Variants in ZNF766 observed in about 807,000 individuals in gnomAD.
ZNF766 encodes the protein zinc finger protein 766.
A neutral mutation model predicts 13.2 loss-of-function variants in ZNF766; 13 were observed. That is an observed-to-expected ratio of 0.98 (90% CI 0.64 to 1.56). The LOEUF (loss-of-function observed/expected upper bound fraction) is 1.56. ZNF766 is among the 40% of genes most tolerant of loss of function. ZNF766 has a pLI of 0.00. For missense variants in ZNF766, 521 were observed against 552.2 expected (o/e 0.94, Z 0.57); for synonymous variants, 178 against 187.6 (o/e 0.95, Z 0.42).
In ZNF766 at chr19:52,294,214, A is replaced by C. The variant is rs1413088736; in HGVS notation, c.*3016A>C. On this transcript the variant is annotated 3_prime_UTR_variant, in exon 4 of 4. Coordinates refer to ENST00000439461, the MANE Select transcript of ZNF766 (RefSeq NM_001010851.3). ...TGACCTCGTAGCGCTCAGTGACATAATTTGAAAAAATATTAATGTTCAGAA... is the reference window on the plus strand; with the variant it reads ...TGACCTCGTAGCGCTCAGTGACATACTTTGAAAAAATATTAATGTTCAGAA... 6.6e-6 allele frequency: 1 copy of C among 152,216 alleles called. No homozygotes were observed. The highest frequency in any genetic ancestry group is 1.5e-5 in the Non-Finnish European group (1 of 68,036). 9.4% of individuals were successfully genotyped at this position (152,216 alleles called of 1,614,324 possible).
rs995093833 is a variant in ZNF766 at position 52,292,425 on chromosome 19, CAG to C, written c.*1228_*1229del. Reference sequence around the variant, plus strand: ...TAGAGCACGCCATGACTTTAGGACACAGGGATTTTTATGGGAAGAGAGTTCAT... The same window carrying C: ...TAGAGCACGCCATGACTTTAGGACACGGATTTTTATGGGAAGAGAGTTCAT... On this transcript the variant is annotated 3_prime_UTR_variant, in exon 4 of 4. Transcript: ENST00000439461. 14 of 453,036 alleles carry C rather than the reference CAG, an allele frequency of 3.1e-5. No individual in the cohort carries two copies. The Admixed American group carries it at 3.1e-4, about 10-fold the overall frequency. 28.1% of individuals were successfully genotyped at this position (453,036 alleles called of 1,614,324 possible). A position where few individuals can be genotyped will look rare whatever the true frequency, so the allele number is the denominator to read the frequency against.
rs1483996942 is a variant in ZNF766, at chr19:52,292,973, A to AC, written c.*1781dup. The stretch of plus-strand genomic sequence containing the variant: ...AATGTTATCCCTCTGCCAGCCCCCC[A>AC]CCCCCCGACAGGCCCCGGTGTGTGA... On this transcript the variant is annotated 3_prime_UTR_variant, in exon 4 of 4. Coordinates refer to ENST00000439461, the MANE Select transcript of ZNF766 (RefSeq NM_001010851.3). 1 of 149,112 alleles carries AC rather than the reference A, an allele frequency of 6.7e-6. No homozygotes were observed. Among genetic ancestry groups the AC allele is most frequent in the Admixed American group, 6.7e-5 (1 of 14,914 alleles). The allele number at this position is 149,112 out of a possible 1,614,324, so 9.2% of individuals were successfully genotyped here. A position where few individuals can be genotyped will look rare whatever the true frequency, so the allele number is the denominator to read the frequency against.
At chr19:52,281,787 T>C (rs1033852503) in intron 1 of ZNF766, 6 of 510,332 alleles carry the variant, frequency 1.2e-5, no homozygotes, top group African/African-American at 9.7e-5. Flanking sequence ...TTAGGTATTA[T>C]GTTCGACACA....
At chr19:52,277,539 C>G (rs1219519259) in intron 1 of ZNF766, 3 of 1,571,684 alleles carry the variant, frequency 1.9e-6, no homozygotes, top group African/African-American at 2.7e-5. Flanking sequence ...GCCACTTACT[C>G]AGGTAAAGTG....
rs767883345 is a variant in ZNF766, at chr19:52,291,026, A to G, written c.1235A>G (p.Lys412Arg). 6 of 1,614,056 alleles carry G rather than the reference A, an allele frequency of 3.7e-6. No individual in the cohort carries two copies. The highest frequency in any genetic ancestry group is 5.1e-6 in the Non-Finnish European group (6 of 1,180,036). ...ATTCACACTGGAGAGAAACCTTACA[A>G]ATGTAATGAGTGTGGCAAAGTCTTC... ...QKIHTGEKPY[K>R]CNECGKVFTQ... Residue 412 changes from lysine (K) to arginine (R), a missense_variant, in exon 4 of 4, where the codon AAA (lysine) becomes AGA (arginine). Physicochemically the swap from Lys to Arg is conservative, Grantham distance 26. Coordinates refer to ENST00000439461, the MANE Select transcript of ZNF766 (RefSeq NM_001010851.3).
rs1288374175 is a variant in ZNF766 at position 52,291,166 on chromosome 19, A to G, written c.1375A>G (p.Arg459Gly). The G allele has an allele frequency of 6.3e-7, 1 of 1,596,562 alleles. No homozygotes were observed. The highest frequency in any genetic ancestry group is 2.2e-5 in the East Asian group (1 of 44,746). The change falls in exon 4 of 4, where the codon AGA (arginine) becomes GGA (glycine). Residue 459 changes from arginine (R) to glycine (G), a missense_variant. By Grantham distance (125) the Arg-to-Gly change is moderately radical. Coordinates refer to ENST00000439461, the MANE Select transcript of ZNF766 (RefSeq NM_001010851.3). Reference protein sequence around the residue: ...RHSSWFVQHQRSVHERVLTN With the variant: ...RHSSWFVQHQGSVHERVLTN ...CAGTTCATGGTTTGTACAGCATCAG[A>G]GAAGTGTTCATGAGAGAGTCCTTAC...
In ZNF766 at chr19:52,290,625, G is replaced by A. The variant is rs769832168; in HGVS notation, c.834G>A (p.Lys278=). Residue 278 remains lysine (K), a synonymous_variant, in exon 4 of 4, where the codon AAG becomes AAA. Coordinates refer to ENST00000439461, the MANE Select transcript of ZNF766 (RefSeq NM_001010851.3). ...CTTACAAATGTAATGAGTGTGGCAA[G>A]GTCTTCAGTCGAATTACATACCTTG... ...ESPYKCNECG[K]VFSRITYLVR... The A allele has an allele frequency of 2.5e-6, 4 of 1,613,722 alleles. No individual in the cohort carries two copies. Among genetic ancestry groups the A allele is most frequent in the Non-Finnish European group, 3.4e-6 (4 of 1,179,954 alleles).
chr19:52,278,227 C>T lies in ZNF766; in HGVS notation c.19-3884C>T, dbSNP rs369903335. Among the ~76,000 whole-genome samples the T allele has an allele frequency of 4.1e-4, 63 of 152,206 alleles. No individual in the cohort carries two copies. In the East Asian group the frequency reaches 6.4e-3, roughly 15 times the overall value. On this transcript the variant is annotated intron_variant, in intron 1 of 3. Coordinates refer to ENST00000439461, the MANE Select transcript of ZNF766 (RefSeq NM_001010851.3). ...TTGGGATTACAGGCGTGAGCCATCA[C>T]GCCAGGCCTTTTCTGACTTTTAGTA... is the stretch of plus-strand genomic sequence containing the variant.
rs1474137833 is a variant in ZNF766 at position 52,290,583 on chromosome 19, G to C, written c.792G>C (p.Val264=). 1 of 1,613,940 alleles carries C rather than the reference G, an allele frequency of 6.2e-7. No homozygotes were observed. The highest frequency in any genetic ancestry group is 8.5e-7 in the Non-Finnish European group (1 of 1,179,994). The part of the protein sequence containing the change: ...RIAYLARHEK[V]HTGESPYKCN... ...CATACCTTGCACGACACGAGAAAGT[G>C]CATACTGGAGAGAGTCCTTACAAAT... is the stretch of plus-strand genomic sequence containing the variant. The change falls in exon 4 of 4, where the codon GTG becomes GTC. Residue 264 remains valine (V), a synonymous_variant. Transcript: ENST00000439461.
intron 3 of ZNF766, chr19:52,288,102 C>T (rs535197499): frequency 5.7e-6 from 2 of 353,342 alleles, no homozygotes; most frequent in Non-Finnish European, 1.1e-5. Context: ...CTCACTGCAA[C>T]TTCCGCCTCC....
At chr19:52,286,448 G>C (rs1436778652) in intron 3 of ZNF766, among the ~76,000 whole-genome samples, 3 of 150,264 alleles carry the variant, frequency 2.0e-5, no homozygotes, top group Non-Finnish European at 4.4e-5. Flanking sequence ...GCTGATTTTT[G>C]TATTTTTTGT....
At chr19:52,278,235 CT>C (rs1981313218) in intron 1 of ZNF766, among the ~76,000 whole-genome samples, 2 of 152,130 alleles carry the variant, frequency 1.3e-5, no homozygotes, top group South Asian at 4.2e-4. Flanking sequence ...CACGCCAGGC[CT>C]TTTCTGACTT....
In ZNF766 at chr19:52,283,273, T is replaced by A. The variant is rs752476463; in HGVS notation, c.146-12T>A. 3.7e-6 allele frequency: 6 copies of A among 1,611,606 alleles called. No individual in the cohort carries two copies. The highest frequency in any genetic ancestry group is 5.1e-6 in the Non-Finnish European group (6 of 1,178,738). ...CATCACAGCACATCTTGATTCTTTC[T>A]TTTATAAACAGGAATCTGTCTTCCT... On this transcript the variant is annotated splice_polypyrimidine_tract_variant and intron_variant, in intron 2 of 3. Transcript: ENST00000439461.
intron 3 of ZNF766, among the ~76,000 whole-genome samples, chr19:52,288,821 CTTTTA>C (rs1981964714): frequency 1.3e-5 from 2 of 150,808 alleles, no homozygotes; most frequent in African/African-American, 2.4e-5. Context: ...CCTAATTTTC[CTTTTA>C]TTTTATTTTT....
chr19:52,269,892 G>A (rs1166599369), intron 1 of ZNF766, among the ~76,000 whole-genome samples: 1 of 152,118 alleles, frequency 6.6e-6, no homozygotes, highest in Non-Finnish European at 1.5e-5. Context: ...CGCCAGCCCC[G>A]CGCCACGTAA....
Position 52,284,377 on chromosome 19 carries a change from C to T in ZNF766, c.274+964C>T, listed in dbSNP as rs566133236. Among the ~76,000 whole-genome samples, 285 of 152,310 alleles carry T rather than the reference C, an allele frequency of 1.9e-3. 1 individual carries two copies. Among genetic ancestry groups the T allele is most frequent in the African/African-American group, 6.5e-3 (271 of 41,580 alleles). The stretch of plus-strand genomic sequence containing the variant: ...TGATGGGGAGATGGGAAAACACAGG[C>T]TGCTGTCTTTTGCATCTGGGTCCTG... On this transcript the variant is annotated intron_variant, in intron 3 of 3. Coordinates refer to ENST00000439461, the MANE Select transcript of ZNF766 (RefSeq NM_001010851.3).
chr19:52,283,438 A>G (rs1836037924), intron 3 of ZNF766, 25 bp downstream of exon 3: 7 of 1,532,232 alleles, frequency 4.6e-6, no homozygotes, highest in Non-Finnish European at 5.3e-6. Context: ...GGACAGAGTG[A>G]AAGCCACACT....
Position 52,292,190 on chromosome 19 carries a change from G to A in ZNF766, c.*992G>A, listed in dbSNP as rs557544499. On this transcript the variant is annotated 3_prime_UTR_variant, in exon 4 of 4. Transcript: ENST00000439461. ...TGGGAAAGAATCAGTAAGATGACAG[G>A]GCTGACTTCATTAGATGAGGAGCGT... The A allele has an allele frequency of 1.4e-6, 1 of 702,748 alleles. No homozygotes were observed. The highest frequency in any genetic ancestry group is 1.5e-5 in the South Asian group (1 of 67,560). The allele number at this position is 702,748 out of a possible 1,614,324, so 43.5% of individuals were successfully genotyped here. A position where few individuals can be genotyped will look rare whatever the true frequency, so the allele number is the denominator to read the frequency against.
chr19:52,280,560 A>G (rs571251998), intron 1 of ZNF766, among the ~76,000 whole-genome samples: 1 of 152,162 alleles, frequency 6.6e-6, no homozygotes, highest in African/African-American at 2.4e-5. Flanking sequence ...ATTTTATAAG[A>G]ATTTTTTAAT....
Sources: gnomAD v4.1 joint callset for allele counts (sites outside exome capture counted in the v4.1 genomes callset) on GRCh38, gnomAD v4.1.1 for gene constraint, MANE v1.5 for transcripts, NCBI Gene and HGNC (gene_info 2026-07-23, HGNC 2026-07-21) for gene names.